Variants in MAML3 observed in about 807,000 individuals in gnomAD.
MAML3 encodes the protein mastermind-like protein 3.
Under a neutral mutation model 101.9 loss-of-function variants are expected in MAML3, and 27 were observed. The ratio of observed to expected loss-of-function variants is 0.27; its 90% CI spans 0.20 to 0.37. The LOEUF (loss-of-function observed/expected upper bound fraction) is 0.37. MAML3 is among the 10% of genes least tolerant of loss of function. The probability of loss-of-function intolerance (pLI) is 1.00; values close to 1 mark genes in which losing one functional copy is unlikely to be tolerated. For missense variants in MAML3, 1,316 were observed against 1,444.9 expected, an observed-to-expected ratio of 0.91 and a Z score of 1.45; for synonymous variants, 501 against 555.9, an observed-to-expected ratio of 0.90 and a Z score of 1.39.
intron 2 of MAML3, among the ~76,000 whole-genome samples, chr4:139,754,098 T>C (rs957519602): frequency 6.6e-6 from 1 of 152,274 alleles, no homozygotes; most frequent in Non-Finnish European, 1.5e-5. Flanking sequence ...ATTAGTTGAA[T>C]AGTAACATAT....
intron 1 of MAML3, among the ~76,000 whole-genome samples, chr4:140,073,896 G>A (rs1357651239): frequency 1.3e-5 from 2 of 152,046 alleles, no homozygotes; most frequent in South Asian, 2.1e-4. Context: ...CACTTTGGGA[G>A]GCCGAGGCGG....
chr4:139,989,754 T>C (rs1400107677), intron 1 of MAML3, among the ~76,000 whole-genome samples: 1 of 151,924 alleles, frequency 6.6e-6, no homozygotes, highest in Non-Finnish European at 1.5e-5. Flanking sequence ...AACACGTGAA[T>C]ATATTCATGC....
chr4:139,857,188 A>C (rs1731676530), intron 2 of MAML3, among the ~76,000 whole-genome samples: 1 of 152,178 alleles, frequency 6.6e-6, no homozygotes, highest in Non-Finnish European at 1.5e-5. Context: ...AGAGGTTTAA[A>C]AGAGATTAAG....
chr4:140,075,002 C>G (rs1727743917), intron 1 of MAML3, among the ~76,000 whole-genome samples: 1 of 152,114 alleles, frequency 6.6e-6, no homozygotes, highest in African/African-American at 2.4e-5. Context: ...CAGAAATATC[C>G]AAAATCTAAA....
At chr4:139,826,126 G>T (rs1328554189) in intron 2 of MAML3, among the ~76,000 whole-genome samples, 1 of 151,784 alleles carries the variant, frequency 6.6e-6, no homozygotes, top group African/African-American at 2.4e-5. Flanking sequence ...TTTTTCCTTC[G>T]CACGTGAGAA....
intron 2 of MAML3, among the ~76,000 whole-genome samples, chr4:139,831,477 C>T (rs1578621911): frequency 6.6e-6 from 1 of 152,214 alleles, no homozygotes; most frequent in East Asian, 1.9e-4. Context: ...GTTAGTTTTC[C>T]CATATGATAA....
chr4:139,997,467 G>A (rs1734839961), intron 1 of MAML3, among the ~76,000 whole-genome samples: 3 of 151,836 alleles, frequency 2.0e-5, no homozygotes, highest in Non-Finnish European at 4.4e-5. Flanking sequence ...CCCTCTTTGT[G>A]CTGTTACTGT....
intron 1 of MAML3, among the ~76,000 whole-genome samples, chr4:139,941,680 T>A (rs545152558): frequency 1.1e-4 from 16 of 152,300 alleles, no homozygotes; most frequent in African/African-American, 3.8e-4. Context: ...ATATGTTGAG[T>A]ACATGTGTGT....
chr4:139,960,859 G>GA (rs1056432709), intron 1 of MAML3, among the ~76,000 whole-genome samples: 7 of 148,984 alleles, frequency 4.7e-5, no homozygotes, highest in African/African-American at 7.4e-5. Context: ...AGAAGGAAGA[G>GA]AAAAAAAAAA....
At chr4:139,946,896 C>CACAT (rs1169581303) in intron 1 of MAML3, among the ~76,000 whole-genome samples, 21 of 111,150 alleles carry the variant, frequency 1.9e-4, no homozygotes, top group Non-Finnish European at 2.7e-4. Flanking sequence ...AAGCCACACA[C>CACAT]ACACACACAC....
chr4:139,723,852 C>G (rs940378708), intron 4 of MAML3, among the ~76,000 whole-genome samples: 2 of 152,176 alleles, frequency 1.3e-5, no homozygotes, highest in Non-Finnish European at 2.9e-5. Flanking sequence ...ATCAGTGACT[C>G]CTGGGAACTT....
At chr4:140,063,525 A>G (rs1727483789) in intron 1 of MAML3, among the ~76,000 whole-genome samples, 1 of 152,130 alleles carries the variant, frequency 6.6e-6, no homozygotes, top group South Asian at 2.1e-4. Flanking sequence ...TCTGCTTCCT[A>G]CCTGGTCCAC....
chr4:139,829,297 A>T (rs1731121680), intron 2 of MAML3, among the ~76,000 whole-genome samples: 1 of 152,186 alleles, frequency 6.6e-6, no homozygotes, highest in South Asian at 2.1e-4. Context: ...AAGGAAAGGA[A>T]AGAAAAGGTG....
At chr4:140,032,959 G>A (rs1457597399) in intron 1 of MAML3, among the ~76,000 whole-genome samples, 1 of 151,946 alleles carries the variant, frequency 6.6e-6, no homozygotes, top group East Asian at 1.9e-4. Context: ...TGTGCACTGG[G>A]TGATTTTTTT....
intron 2 of MAML3, among the ~76,000 whole-genome samples, chr4:139,814,482 A>G (rs542107897): frequency 1.3e-5 from 2 of 152,290 alleles, no homozygotes; most frequent in African/African-American, 4.8e-5. Flanking sequence ...CAGGCTTTGG[A>G]AGCCATCCCG....
In MAML3 at chr4:139,956,379, G is replaced by A. The variant is rs113678113; in HGVS notation, c.469-65412C>T. On this transcript the variant is annotated intron_variant, in intron 1 of 4. Transcript: ENST00000509479. ...ATTGCTTCATCGTTCTTAAAAAGTC[G>A]AGCAATACATTTCAGTGATAGATAA... Among the ~76,000 whole-genome samples the A allele has an allele frequency of 2.1e-3, 314 of 152,228 alleles. 2 individuals carry two copies. Among genetic ancestry groups the A allele is most frequent in the Non-Finnish European group, 2.7e-3 (184 of 68,028 alleles).
chr4:140,099,443 G>C (rs1728217547), intron 1 of MAML3, among the ~76,000 whole-genome samples: 3 of 152,110 alleles, frequency 2.0e-5, no homozygotes, highest in African/African-American at 4.8e-5. Flanking sequence ...CTGCCACCCA[G>C]ACTGGAATAC....
chr4:139,978,666 C>A (rs555135267), intron 1 of MAML3, among the ~76,000 whole-genome samples: 1 of 149,410 alleles, frequency 6.7e-6, no homozygotes, highest in African/African-American at 2.4e-5. Context: ...TCACAACATT[C>A]TCTTCCTTCA....
At chr4:139,942,058 C>T (rs756010842) in intron 1 of MAML3, among the ~76,000 whole-genome samples, 6 of 152,000 alleles carry the variant, frequency 3.9e-5, no homozygotes, top group Admixed American at 6.6e-5. Context: ...TCACTTGAAC[C>T]GGGAGGCGGA....
Sources: allele counts gnomAD v4.1 joint callset (sites outside exome capture counted in the v4.1 genomes callset), GRCh38; gene constraint gnomAD v4.1.1; transcripts MANE v1.5; gene names NCBI Gene and HGNC (gene_info 2026-07-23, HGNC 2026-07-21).